The following KAZN variants were observed in gnomAD, a reference collection of about 807,000 sequenced individuals.
KAZN encodes the protein kazrin.
Under a neutral mutation model 87.4 loss-of-function variants are expected in KAZN, and 40 were observed. That is an observed-to-expected ratio of 0.46 (90% CI 0.36 to 0.60). The LOEUF (loss-of-function observed/expected upper bound fraction) is 0.60, where lower values mean the gene tolerates loss of function less well. Among genes scored for constraint, KAZN ranks in the 20% least tolerant of loss-of-function variants. The pLI, the probability that KAZN is intolerant of heterozygous loss-of-function variation, is 0.00. For missense variants in KAZN, 898 were observed against 1,073.9 expected (o/e 0.84, Z 2.29); for synonymous variants, 466 against 458.3 (o/e 1.02, Z -0.22).
chr1:14,114,968 A>G (rs766589402), intron 1 of KAZN, among the ~76,000 whole-genome samples: 1 of 152,196 alleles, frequency 6.6e-6, no homozygotes, highest in Middle Eastern at 3.2e-3. Flanking sequence ...ACCCAGGTCT[A>G]TTGTGTACAA....
chr1:14,497,656 T>A (rs1170806561), intron 2 of KAZN, among the ~76,000 whole-genome samples: 4 of 152,174 alleles, frequency 2.6e-5, no homozygotes, highest in African/African-American at 7.2e-5. Context: ...TACTTACCCA[T>A]TCAGCCTATG....
At chr1:13,960,963 A>G (rs1284595321) in intron 1 of KAZN, among the ~76,000 whole-genome samples, 1 of 152,156 alleles carries the variant, frequency 6.6e-6, no homozygotes, top group Non-Finnish European at 1.5e-5. Flanking sequence ...ACAGTTACTC[A>G]TTCATTCATT....
At chr1:14,374,313 C>A (rs1489730009) in intron 2 of KAZN, among the ~76,000 whole-genome samples, 1 of 152,194 alleles carries the variant, frequency 6.6e-6, no homozygotes, top group Non-Finnish European at 1.5e-5. Flanking sequence ...TCACAATGAT[C>A]ATCAGGCAAC....
intron 2 of KAZN, among the ~76,000 whole-genome samples, chr1:14,342,039 G>A (rs1189837163): frequency 2.0e-5 from 3 of 152,060 alleles, no homozygotes; most frequent in East Asian, 1.9e-4. Context: ...GTGTCCGTGC[G>A]TTCTCATCAT....
intron 2 of KAZN, among the ~76,000 whole-genome samples, chr1:14,418,968 CTT>C (rs577123674): frequency 2.0e-4 from 30 of 152,288 alleles, no homozygotes; most frequent in South Asian, 1.0e-3. Context: ...CCTGTGAACT[CTT>C]GTCTGAAAAC....
At chr1:14,679,788 G>T (rs74058787) in intron 1 of KAZN, among the ~76,000 whole-genome samples, 3,607 of 152,246 alleles carry the variant, frequency 0.024, 161 homozygotes, top group African/African-American at 0.083. Context: ...AGTCGGATAG[G>T]CATCAGGTTT....
intron 2 of KAZN, among the ~76,000 whole-genome samples, chr1:14,368,860 GC>G (rs1462891379): frequency 6.6e-6 from 1 of 152,192 alleles, no homozygotes; most frequent in African/African-American, 2.4e-5. Context: ...AGAGGTACTG[GC>G]TTTTTTTTTC....
At chr1:14,087,013 C>A (rs1557464367) in intron 1 of KAZN, among the ~76,000 whole-genome samples, 1 of 152,070 alleles carries the variant, frequency 6.6e-6, no homozygotes, top group African/African-American at 2.4e-5. Flanking sequence ...ATTCTAAGTC[C>A]TTTGTGTTTC....
intron 13 of KAZN, 53 bp downstream of exon 13, chr1:15,104,242 A>G: frequency 1.4e-6 from 2 of 1,478,274 alleles, no homozygotes; most frequent in Non-Finnish European, 1.8e-6. Flanking sequence ...AGTACAGCTC[A>G]GGGCTTTGGA....
chr1:15,031,381 G>T (rs574789379), intron 2 of KAZN, among the ~76,000 whole-genome samples: 46 of 152,292 alleles, frequency 3.0e-4, no homozygotes, highest in Admixed American at 7.8e-4. Context: ...CCCCTCCTTG[G>T]TATTCTCTCC....
At chr1:14,289,769 A>G (rs192753654) in intron 2 of KAZN, among the ~76,000 whole-genome samples, 123 of 152,302 alleles carry the variant, frequency 8.1e-4, no homozygotes, top group African/African-American at 2.8e-3. Context: ...TAGTTTCTTC[A>G]TAGCATCGAT....
At chr1:14,693,545 C>T (rs1361316123) in intron 1 of KAZN, among the ~76,000 whole-genome samples, 3 of 152,196 alleles carry the variant, frequency 2.0e-5, no homozygotes, top group Admixed American at 6.5e-5. Flanking sequence ...CTGCCTGAAA[C>T]GGCGGTCTAA....
chr1:13,918,351 A>T (rs1609356), intron 1 of KAZN, among the ~76,000 whole-genome samples: 4 of 152,078 alleles, frequency 2.6e-5, no homozygotes, highest in African/African-American at 9.7e-5. Context: ...AAGTAACTGC[A>T]GTTGTGTTGA....
At chr1:14,063,248 A>G (rs1642865309) in intron 1 of KAZN, among the ~76,000 whole-genome samples, 1 of 152,242 alleles carries the variant, frequency 6.6e-6, no homozygotes, top group South Asian at 2.1e-4. Context: ...CAGTTGTAAT[A>G]TACATCAGTA....
intron 2 of KAZN, among the ~76,000 whole-genome samples, chr1:14,259,550 G>A (rs888113475): frequency 6.6e-6 from 1 of 152,148 alleles, no homozygotes; most frequent in African/African-American, 2.4e-5. Flanking sequence ...CAAGACCTCC[G>A]TCCATCACAT....
intron 1 of KAZN, among the ~76,000 whole-genome samples, chr1:14,037,250 A>G (rs1641600434): frequency 6.6e-6 from 1 of 152,218 alleles, no homozygotes; most frequent in Admixed American, 6.5e-5. Context: ...GTTAAGATGC[A>G]TGATCATTTA....
chr1:14,727,861 C>G (rs1033990154), intron 1 of KAZN, among the ~76,000 whole-genome samples: 1 of 133,268 alleles, frequency 7.5e-6, no homozygotes, highest in Non-Finnish European at 1.7e-5. Flanking sequence ...GCTTGTTTTC[C>G]TGCAACTAGA....
At chr1:14,343,014 G>T (rs187876449) in intron 2 of KAZN, among the ~76,000 whole-genome samples, 1 of 152,064 alleles carries the variant, frequency 6.6e-6, no homozygotes, top group East Asian at 1.9e-4. Context: ...GGTGGCAGGC[G>T]CCTGTAATCC....
At chr1:14,117,451 A>C (rs1481293180) in intron 1 of KAZN, among the ~76,000 whole-genome samples, 2 of 152,058 alleles carry the variant, frequency 1.3e-5, no homozygotes, top group Admixed American at 1.3e-4. Flanking sequence ...TGTGAGGCCT[A>C]CCCAGCTACA....
Sources: allele counts gnomAD v4.1 joint callset (sites outside exome capture counted in the v4.1 genomes callset), GRCh38; gene constraint gnomAD v4.1.1; transcripts MANE v1.5; gene names NCBI Gene and HGNC (gene_info 2026-07-23, HGNC 2026-07-21).